PPM1L: variants seen among roughly 807,000 people sequenced by gnomAD.
PPM1L encodes protein phosphatase 1L.
In PPM1L, 13 loss-of-function variants were observed where a neutral mutation model predicts 31.4. The observed-to-expected ratio is 0.41, with a 90% CI of 0.27 to 0.66. PPM1L has a LOEUF of 0.66. Ranked by LOEUF, PPM1L falls within the 30% of genes least tolerant of loss-of-function variation. The probability of loss-of-function intolerance (pLI) is 0.29; values close to 1 mark genes in which losing one functional copy is unlikely to be tolerated. For missense variants in PPM1L, 326 were observed against 453.7 expected (o/e 0.72, Z 2.56); for synonymous variants, 184 against 175.4 (o/e 1.05, Z -0.39).
At chr3:160,908,248 A>G (rs1216828602) in intron 1 of PPM1L, among the ~76,000 whole-genome samples, 1 of 152,140 alleles carries the variant, frequency 6.6e-6, no homozygotes, top group African/African-American at 2.4e-5. Flanking sequence ...AGTAGGCTAT[A>G]TTTATATTAT....
At chr3:161,055,063 T>A (rs1719373704) in intron 2 of PPM1L, among the ~76,000 whole-genome samples, 1 of 151,864 alleles carries the variant, frequency 6.6e-6, no homozygotes, top group Non-Finnish European at 1.5e-5. Context: ...GCCACACACA[T>A]TGATATGACT....
chr3:160,941,527 A>G (rs557624695), intron 1 of PPM1L, among the ~76,000 whole-genome samples: 19 of 152,142 alleles, frequency 1.2e-4, no homozygotes, highest in Middle Eastern at 3.4e-3. Context: ...ACGAGACCTG[A>G]TGGGTTTATC....
At chr3:160,775,897 G>A (rs990600229) in intron 1 of PPM1L, among the ~76,000 whole-genome samples, 1 of 152,186 alleles carries the variant, frequency 6.6e-6, no homozygotes, top group Non-Finnish European at 1.5e-5. Flanking sequence ...CATATCAGCT[G>A]CCTGGGGGGC....
chr3:160,998,336 T>C (rs555569307), intron 2 of PPM1L, among the ~76,000 whole-genome samples: 7 of 152,352 alleles, frequency 4.6e-5, no homozygotes, highest in South Asian at 2.1e-4. Context: ...TAGTTGTTAA[T>C]GTTTTTATTA....
intron 1 of PPM1L, among the ~76,000 whole-genome samples, chr3:160,950,721 A>G (rs908695329): frequency 6.6e-6 from 1 of 152,164 alleles, no homozygotes; most frequent in Non-Finnish European, 1.5e-5. Context: ...TTATCTGACC[A>G]TGTTTTGGCT....
intron 3 of PPM1L, among the ~76,000 whole-genome samples, chr3:161,066,983 T>C (rs73158287): frequency 6.6e-6 from 1 of 152,324 alleles, no homozygotes; most frequent in Non-Finnish European, 1.5e-5. Context: ...AAACGAATGA[T>C]ATTTTAGGAG....
At chr3:161,034,859 TAAAAG>T (rs1475775915) in intron 2 of PPM1L, among the ~76,000 whole-genome samples, 4 of 133,320 alleles carry the variant, frequency 3.0e-5, no homozygotes, top group African/African-American at 8.5e-5. Flanking sequence ...AATAAAAAAA[TAAAAG>T]AAAATGTGGC....
chr3:160,953,081 T>G (rs1309569558), intron 1 of PPM1L, among the ~76,000 whole-genome samples: 1 of 152,216 alleles, frequency 6.6e-6, no homozygotes, highest in African/African-American at 2.4e-5. Context: ...TTAAGATGCA[T>G]GTCTGAGGTT....
chr3:160,920,090 C>T (rs1174436064), intron 1 of PPM1L, among the ~76,000 whole-genome samples: 5 of 152,142 alleles, frequency 3.3e-5, no homozygotes, highest in East Asian at 3.9e-4. Context: ...CACTTTACCA[C>T]GTCTGAAATG....
chr3:160,913,798 A>T (rs1350314470), intron 1 of PPM1L, among the ~76,000 whole-genome samples: 2 of 152,128 alleles, frequency 1.3e-5, no homozygotes, highest in African/African-American at 4.8e-5. Flanking sequence ...ATTCATTCAG[A>T]TACTGATGGA....
chr3:161,027,572 C>G (rs1057499998), intron 2 of PPM1L, among the ~76,000 whole-genome samples: 10 of 152,238 alleles, frequency 6.6e-5, no homozygotes, highest in Admixed American at 6.5e-5. Context: ...GAGACTTATT[C>G]ACTGTCACAA....
rs553098651 is a variant in PPM1L, at chr3:161,069,860, T to G, written c.*703T>G. 1.3e-5 allele frequency: 2 copies of G among 152,324 alleles called. No homozygotes were observed. Among genetic ancestry groups the G allele is most frequent in the East Asian group, 3.8e-4 (2 of 5,196 alleles). The allele number at this position is 152,324 out of a possible 1,614,324, so 9.4% of individuals were successfully genotyped here. A position where few individuals can be genotyped will look rare whatever the true frequency, so the allele number is the denominator to read the frequency against. ...TACCACCTGACCAGCCTTTGTGCATTTATCCTAATCATGCATGACCGTTAA... is the reference window on the plus strand; with the variant it reads ...TACCACCTGACCAGCCTTTGTGCATGTATCCTAATCATGCATGACCGTTAA... On this transcript the variant is annotated 3_prime_UTR_variant, in exon 4 of 4. Transcript: ENST00000498165.
chr3:160,952,098 G>A (rs930880868), intron 1 of PPM1L, among the ~76,000 whole-genome samples: 5 of 152,138 alleles, frequency 3.3e-5, no homozygotes, highest in African/African-American at 1.2e-4. Flanking sequence ...AACCTCTCCA[G>A]GTTAGAAGTG....
chr3:160,769,146 G>A (rs1022061822), intron 1 of PPM1L, among the ~76,000 whole-genome samples: 1 of 152,158 alleles, frequency 6.6e-6, no homozygotes, highest in African/African-American at 2.4e-5. Context: ...AATTCATTCT[G>A]GGTCTGAGGA....
chr3:160,971,007 T>C (rs1716323597), intron 2 of PPM1L, among the ~76,000 whole-genome samples: 1 of 152,126 alleles, frequency 6.6e-6, no homozygotes. Context: ...AGCTCAGTTA[T>C]AATTCTTACA....
intron 1 of PPM1L, among the ~76,000 whole-genome samples, chr3:160,821,829 T>G (rs1030371338): frequency 1.3e-5 from 2 of 151,866 alleles, no homozygotes; most frequent in Non-Finnish European, 2.9e-5. Flanking sequence ...AGATATTCAA[T>G]GTGCCTTCTT....
At chr3:160,779,943 G>T (rs1598495) in intron 1 of PPM1L, among the ~76,000 whole-genome samples, 9 of 151,892 alleles carry the variant, frequency 5.9e-5, no homozygotes, top group Admixed American at 2.0e-4. Context: ...TACCTCATAG[G>T]ACTGTTAAGA....
chr3:161,011,312 A>C (rs1190985584), intron 2 of PPM1L, among the ~76,000 whole-genome samples: 1 of 152,190 alleles, frequency 6.6e-6, no homozygotes, highest in African/African-American at 2.4e-5. Context: ...GGTTTGTCAA[A>C]GATCAGATGG....
At chr3:160,849,419 C>CTTT (rs540982855) in intron 1 of PPM1L, among the ~76,000 whole-genome samples, 9 of 143,390 alleles carry the variant, frequency 6.3e-5, no homozygotes, top group Non-Finnish European at 1.1e-4. Flanking sequence ...TTCTTTCTTT[C>CTTT]TTTTTTTTTT....
Sources: gnomAD v4.1 joint callset for allele counts (sites outside exome capture counted in the v4.1 genomes callset) on GRCh38, gnomAD v4.1.1 for gene constraint, MANE v1.5 for transcripts, NCBI Gene and HGNC (gene_info 2026-07-23, HGNC 2026-07-21) for gene names.